DOCK3: variants seen among roughly 807,000 people sequenced by gnomAD.
The protein encoded by DOCK3 is dedicator of cytokinesis 3, also known as dedicator of cytokinesis protein 3.
In DOCK3, 60 loss-of-function variants were observed where a neutral mutation model predicts 265.6. That is an observed-to-expected ratio of 0.23 (90% CI 0.18 to 0.28). The LOEUF (loss-of-function observed/expected upper bound fraction) is 0.28. Ranked by LOEUF, DOCK3 falls within the 10% of genes least tolerant of loss-of-function variation. The pLI is 1.00. For missense variants in DOCK3, 1,981 were observed against 2,594.3 expected (o/e 0.76, Z 5.14); for synonymous variants, 881 against 938.0 (o/e 0.94, Z 1.11).
At chr3:51,120,991 C>T (rs536954226) in intron 9 of DOCK3, among the ~76,000 whole-genome samples, 3 of 152,070 alleles carry the variant, frequency 2.0e-5, no homozygotes, top group African/African-American at 4.8e-5. Context: ...GTCTCACTGG[C>T]GTTTCAGGCA....
At chr3:51,313,711 A>G (rs1000234570) in intron 31 of DOCK3, among the ~76,000 whole-genome samples, 6 of 152,214 alleles carry the variant, frequency 3.9e-5, no homozygotes, top group African/African-American at 9.7e-5. Flanking sequence ...CATCCCCACC[A>G]CTAACCTAGA....
rs71278627 is a variant in DOCK3 at position 51,095,851 on chromosome 3, CAAAAAAAAAAAAAA to C, written c.746+5479_746+5492del. ...CCTTAAGTGACATAAATAAGGTTAG[CAAAAAAAAAAAAAA>C]AAAAAAAAAAAGAATGTTGACTATT... On this transcript the variant is annotated intron_variant, in intron 9 of 52. Coordinates refer to ENST00000266037, the MANE Select transcript of DOCK3 (RefSeq NM_004947.5). Among the ~76,000 whole-genome samples the C allele has an allele frequency of 2.9e-3, 28 of 9,800 alleles. 1 individual carries two copies. Among genetic ancestry groups the C allele is most frequent in the African/African-American group, 0.011 (26 of 2,348 alleles). The allele number at this position is 9,800 out of a possible 152,430, so 6.4% of individuals were successfully genotyped here. A position where few individuals can be genotyped will look rare whatever the true frequency, so the allele number is the denominator to read the frequency against.
chr3:51,044,143 C>G (rs1005004584), intron 5 of DOCK3, among the ~76,000 whole-genome samples: 6 of 152,102 alleles, frequency 3.9e-5, no homozygotes, highest in African/African-American at 1.4e-4. Flanking sequence ...TTCATTGTAG[C>G]ACTATTCACA....
intron 4 of DOCK3, among the ~76,000 whole-genome samples, chr3:50,907,729 T>C (rs981917684): frequency 5.9e-5 from 9 of 152,126 alleles, no homozygotes; most frequent in African/African-American, 2.2e-4. Context: ...TGCCTTTTAA[T>C]TGGAGCATTT....
chr3:50,895,747 T>A (rs897429807), intron 4 of DOCK3, among the ~76,000 whole-genome samples: 1 of 152,146 alleles, frequency 6.6e-6, no homozygotes. Context: ...CTCCCACTTA[T>A]GAGTGAGAAC....
chr3:51,017,919 G>A (rs992611793), intron 5 of DOCK3, among the ~76,000 whole-genome samples: 2 of 151,762 alleles, frequency 1.3e-5, no homozygotes, highest in Non-Finnish European at 1.5e-5. Context: ...TTTAGACAGA[G>A]TTTTACTCTG....
intron 14 of DOCK3, among the ~76,000 whole-genome samples, chr3:51,220,518 A>G (rs890027175): frequency 6.6e-5 from 10 of 151,460 alleles, no homozygotes; most frequent in African/African-American, 1.9e-4. Context: ...TTAGCTCGGC[A>G]TGGTGGCAGG....
intron 3 of DOCK3, among the ~76,000 whole-genome samples, chr3:50,879,243 A>G (rs1396167708): frequency 1.3e-5 from 2 of 152,240 alleles, no homozygotes; most frequent in African/African-American, 2.4e-5. Flanking sequence ...TAACCAGCTA[A>G]CATCATAATG....
At chr3:50,779,496 G>A (rs2041806619) in intron 2 of DOCK3, among the ~76,000 whole-genome samples, 1 of 152,028 alleles carries the variant, frequency 6.6e-6, no homozygotes. Flanking sequence ...TAATTCCCCT[G>A]CCTCAGCCTC....
At chr3:50,873,962 T>A (rs545596390) in intron 3 of DOCK3, among the ~76,000 whole-genome samples, 1 of 152,186 alleles carries the variant, frequency 6.6e-6, no homozygotes, top group East Asian at 1.9e-4. Context: ...TTTTTCTACT[T>A]CTTCATTTTC....
chr3:51,237,045 T>C (rs781258345), intron 20 of DOCK3, among the ~76,000 whole-genome samples: 1 of 152,196 alleles, frequency 6.6e-6, no homozygotes, highest in Admixed American at 6.5e-5. Context: ...CGGCTCTTCT[T>C]CTTCCTAATT....
chr3:50,996,716 C>G (rs200533342), intron 5 of DOCK3, among the ~76,000 whole-genome samples: 2 of 152,184 alleles, frequency 1.3e-5, no homozygotes, highest in East Asian at 3.9e-4. Context: ...ATGAGTAGTG[C>G]ATGGCATTTT....
At chr3:50,996,304 G>A (rs1016426567) in intron 5 of DOCK3, among the ~76,000 whole-genome samples, 9 of 150,620 alleles carry the variant, frequency 6.0e-5, no homozygotes, top group Middle Eastern at 3.2e-3. Flanking sequence ...TGCAAGCTCC[G>A]CCTCCTGGGT....
At chr3:51,365,277 G>A (rs1258261972) in intron 49 of DOCK3, among the ~76,000 whole-genome samples, 2 of 152,072 alleles carry the variant, frequency 1.3e-5, no homozygotes, top group African/African-American at 2.4e-5. Context: ...TCCTGATTTG[G>A]CTCTATGTTT....
intron 27 of DOCK3, among the ~76,000 whole-genome samples, chr3:51,292,510 A>T (rs1184792800): frequency 6.6e-6 from 1 of 152,150 alleles, no homozygotes; most frequent in Non-Finnish European, 1.5e-5. Flanking sequence ...GGTGGCTCAC[A>T]CTTGTAATAC....
At chr3:50,767,135 T>G (rs2040940109) in intron 1 of DOCK3, among the ~76,000 whole-genome samples, 1 of 152,232 alleles carries the variant, frequency 6.6e-6, no homozygotes, top group East Asian at 1.9e-4. Flanking sequence ...AGATCCCATT[T>G]GTCTATTTTG....
At chr3:51,073,630 A>G (rs1575975034) in intron 6 of DOCK3, among the ~76,000 whole-genome samples, 1 of 152,206 alleles carries the variant, frequency 6.6e-6, no homozygotes, top group Non-Finnish European at 1.5e-5. Context: ...TGATCTTCTC[A>G]TTATGTAAAA....
rs1055130405 is a variant in DOCK3, at chr3:51,332,566, A to G, written c.3489-435A>G. Among the ~76,000 whole-genome samples the G allele has an allele frequency of 8.5e-5, 13 of 152,340 alleles. No homozygotes were observed. The South Asian group carries it at 2.3e-3, about 27-fold the overall frequency. On this transcript the variant is annotated intron_variant, in intron 33 of 52. Coordinates refer to ENST00000266037, the MANE Select transcript of DOCK3 (RefSeq NM_004947.5). Reference sequence around the variant, plus strand: ...TGAAGATGATGGGTTTAAGCTGGGTATGGTGGCTCATGCCCATAATCCAAG... The same window carrying G: ...TGAAGATGATGGGTTTAAGCTGGGTGTGGTGGCTCATGCCCATAATCCAAG...
intron 5 of DOCK3, among the ~76,000 whole-genome samples, chr3:51,045,844 G>A (rs1218982710): frequency 1.3e-5 from 2 of 152,110 alleles, no homozygotes; most frequent in African/African-American, 4.8e-5. Context: ...CTTACCATGA[G>A]CATCTTATTT....
Sources: gnomAD v4.1 joint callset for allele counts (sites outside exome capture counted in the v4.1 genomes callset) on GRCh38, gnomAD v4.1.1 for gene constraint, MANE v1.5 for transcripts, NCBI Gene and HGNC (gene_info 2026-07-23, HGNC 2026-07-21) for gene names.